CDH12: variants seen among roughly 807,000 people sequenced by gnomAD.
The protein encoded by CDH12 is cadherin 12, also known as cadherin-12.
Under a neutral mutation model 74.1 loss-of-function variants are expected in CDH12, and 41 were observed. That is an observed-to-expected ratio of 0.55 (90% CI 0.43 to 0.72). CDH12 has a LOEUF of 0.72. Ranked by LOEUF, CDH12 falls within the 30% of genes least tolerant of loss-of-function variation. The pLI is 0.00. For synonymous variants in CDH12, 399 were observed against 355.0 expected (o/e 1.12, Z -1.39); for missense variants, 945 against 977.2 (o/e 0.97, Z 0.44).
chr5:22,403,683 G>A (rs1742824134), intron 3 of CDH12, among the ~76,000 whole-genome samples: 1 of 152,214 alleles, frequency 6.6e-6, no homozygotes, highest in South Asian at 2.1e-4. Flanking sequence ...ACACAGCCAT[G>A]TGAAGACCAA....
intron 1 of CDH12, among the ~76,000 whole-genome samples, chr5:22,693,306 G>A (rs562788840): frequency 4.6e-5 from 7 of 152,244 alleles, no homozygotes; most frequent in South Asian, 4.1e-4. Context: ...TGCTAAGTGC[G>A]GGGTAGACAG....
chr5:22,355,626 G>A (rs916450460), intron 3 of CDH12, among the ~76,000 whole-genome samples: 30 of 151,922 alleles, frequency 2.0e-4, no homozygotes, highest in East Asian at 7.7e-4. Flanking sequence ...AAGCACAGTG[G>A]GAGAACTTAA....
In CDH12 at chr5:22,019,060, A is replaced by T. The variant is rs1397401146; in HGVS notation, c.232-43675T>A. 0.022 allele frequency among the ~76,000 whole-genome samples: 21 copies of T among 970 alleles called. No homozygotes were observed. In the Non-Finnish European group the frequency reaches 0.33, roughly 15 times the overall value. The allele number at this position is 970 out of a possible 152,430, so 0.6% of individuals were successfully genotyped here. ...GGGCAACAGAGCAAGACTGTGTCTC[A>T]AAAAAAAAAAAAATTAAAAAGAAGG... is the stretch of plus-strand genomic sequence containing the variant. On this transcript the variant is annotated intron_variant, in intron 5 of 14. Coordinates refer to ENST00000382254, the MANE Select transcript of CDH12 (RefSeq NM_004061.5).
At chr5:21,884,293 T>A in intron 6 of CDH12, 1 of 1,450,682 alleles carries the variant, frequency 6.9e-7, no homozygotes, top group Non-Finnish European at 9.7e-7. Flanking sequence ...GGAGGTGGTA[T>A]GGGAGGTGGC....
intron 2 of CDH12, among the ~76,000 whole-genome samples, chr5:22,432,266 T>C (rs1315511455): frequency 1.3e-5 from 2 of 152,254 alleles, no homozygotes; most frequent in South Asian, 2.1e-4. Flanking sequence ...CTAGGAGCAA[T>C]AGGCTATACC....
At chr5:22,294,793 C>T (rs1470904305) in intron 3 of CDH12, among the ~76,000 whole-genome samples, 1 of 152,210 alleles carries the variant, frequency 6.6e-6, no homozygotes, top group African/African-American at 2.4e-5. Context: ...GGTCCATGGC[C>T]TCTCGTTTCT....
chr5:22,716,848 A>G (rs1437780256), intron 1 of CDH12, among the ~76,000 whole-genome samples: 3 of 152,050 alleles, frequency 2.0e-5, no homozygotes, highest in Non-Finnish European at 2.9e-5. Context: ...CATCAAATAA[A>G]TTTGAAAAAG....
rs142322005 is a variant in CDH12 at position 21,860,099 on chromosome 5, C to A, written c.527-5309G>T. ...TAGTAGAAGAAGGTCATCATCTATA[C>A]CAGCCACGACCACGTGACTCGTTGC... On this transcript the variant is annotated intron_variant, in intron 6 of 14. Coordinates refer to ENST00000382254, the MANE Select transcript of CDH12 (RefSeq NM_004061.5). Among the ~76,000 whole-genome samples the A allele has an allele frequency of 2.2e-3, 329 of 152,030 alleles. 3 individuals are homozygous for A. The highest frequency in any genetic ancestry group is 2.7e-3 in the East Asian group (14 of 5,144).
At chr5:22,272,717 T>C (rs1736452988) in intron 3 of CDH12, among the ~76,000 whole-genome samples, 1 of 152,152 alleles carries the variant, frequency 6.6e-6, no homozygotes, top group Non-Finnish European at 1.5e-5. Context: ...AGGAGTGAGA[T>C]AGAAACAGCT....
chr5:21,819,384 C>T (rs1748237476), intron 8 of CDH12, among the ~76,000 whole-genome samples: 1 of 151,982 alleles, frequency 6.6e-6, no homozygotes, highest in African/African-American at 2.4e-5. Context: ...GGACAAGGCA[C>T]AGAACGTGTA....
At chr5:21,793,494 A>C (rs1303510906) in intron 10 of CDH12, among the ~76,000 whole-genome samples, 1 of 151,656 alleles carries the variant, frequency 6.6e-6, no homozygotes, top group Non-Finnish European at 1.5e-5. Flanking sequence ...AAACGTATTT[A>C]TTCTGAAGTC....
At position 21,919,596 on chromosome 5, in the gene CDH12, C is replaced by T. The variant is rs532668089; in HGVS notation, c.526+55495G>A. ...ATTTTCGCAGGCCAACCCCTAGCCA[C>T]GTGCAGTATTTATTCTGACCATTAG... is the stretch of plus-strand genomic sequence containing the variant. On this transcript the variant is annotated intron_variant, in intron 6 of 14. Coordinates refer to ENST00000382254, the MANE Select transcript of CDH12 (RefSeq NM_004061.5). Among the ~76,000 whole-genome samples, 11 of 152,208 alleles carry T rather than the reference C, an allele frequency of 7.2e-5. No individual in the cohort carries two copies. The East Asian group carries it at 1.3e-3, about 19-fold the overall frequency.
chr5:22,342,607 C>G (rs923366097), intron 3 of CDH12, among the ~76,000 whole-genome samples: 24 of 115,170 alleles, frequency 2.1e-4, no homozygotes, highest in African/African-American at 7.5e-4. Flanking sequence ...CTCTTTCTTA[C>G]TTTTTTCTTT....
At chr5:22,244,292 C>G (rs1003265168) in intron 3 of CDH12, among the ~76,000 whole-genome samples, 1 of 151,586 alleles carries the variant, frequency 6.6e-6, no homozygotes, top group Non-Finnish European at 1.5e-5. Flanking sequence ...GAGTTCGAGC[C>G]CAGTCTGACT....
intron 5 of CDH12, among the ~76,000 whole-genome samples, chr5:22,000,518 G>T (rs1274285045): frequency 6.6e-6 from 1 of 152,022 alleles, no homozygotes. Context: ...GCAAGGGGTG[G>T]GACTCAACCT....
At chr5:21,990,702 T>C (rs1169617020) in intron 5 of CDH12, among the ~76,000 whole-genome samples, 1 of 151,816 alleles carries the variant, frequency 6.6e-6, no homozygotes, top group African/African-American at 2.4e-5. Flanking sequence ...GCTTTATGTG[T>C]CTAAACCCAC....
chr5:22,713,093 T>A (rs1054164992), intron 1 of CDH12, among the ~76,000 whole-genome samples: 6 of 145,932 alleles, frequency 4.1e-5, no homozygotes, highest in African/African-American at 1.5e-4. Flanking sequence ...TTAAAATCCC[T>A]CCTCTGTCAT....
intron 1 of CDH12, among the ~76,000 whole-genome samples, chr5:22,626,144 C>G (rs371322480): frequency 1.3e-5 from 2 of 152,156 alleles, no homozygotes; most frequent in African/African-American, 4.8e-5. Context: ...CCCTACCCCC[C>G]CCAACATGTG....
chr5:22,760,469 A>G (rs1009346318), intron 1 of CDH12, among the ~76,000 whole-genome samples: 1 of 152,248 alleles, frequency 6.6e-6, no homozygotes, highest in African/African-American at 2.4e-5. Context: ...TCAAAAGGTC[A>G]GGAGTTCGAG....
Sources: allele counts gnomAD v4.1 joint callset (sites outside exome capture counted in the v4.1 genomes callset), GRCh38; gene constraint gnomAD v4.1.1; transcripts MANE v1.5; gene names NCBI Gene and HGNC (gene_info 2026-07-23, HGNC 2026-07-21).